Variants in LSAMP observed in about 807,000 individuals in gnomAD.
LSAMP encodes the protein limbic system-associated membrane protein.
LSAMP carries 7 observed loss-of-function variants against 38.6 expected under a neutral mutation model. The observed-to-expected ratio is 0.18, with a 90% CI of 0.10 to 0.34. The LOEUF (loss-of-function observed/expected upper bound fraction) is 0.34. LSAMP is among the 10% of genes least tolerant of loss of function. The pLI is 1.00. For synonymous variants in LSAMP, 154 were observed against 166.8 expected (o/e 0.92, Z 0.59); for missense variants, 313 against 420.0 (o/e 0.75, Z 2.23).
intron 1 of LSAMP, among the ~76,000 whole-genome samples, chr3:116,316,158 GA>G (rs1354328371): frequency 6.6e-6 from 1 of 152,182 alleles, no homozygotes. Flanking sequence ...TCAGGGCCTT[GA>G]CGATAAGTTG....
At chr3:116,057,967 A>ACCCACC (rs1553699986) in intron 2 of LSAMP, among the ~76,000 whole-genome samples, 1 of 147,542 alleles carries the variant, frequency 6.8e-6, no homozygotes, top group African/African-American at 2.5e-5. Flanking sequence ...CCACACACAC[A>ACCCACC]CACACACACA....
chr3:116,270,102 G>GTTA (rs950054995), intron 1 of LSAMP, among the ~76,000 whole-genome samples: 31 of 152,078 alleles, frequency 2.0e-4, no homozygotes, highest in African/African-American at 7.2e-4. Context: ...AAAATAAAAT[G>GTTA]TTATTTTCTT....
chr3:116,248,477 A>ATATGTG (rs2046631426), intron 1 of LSAMP, among the ~76,000 whole-genome samples: 1 of 140,978 alleles, frequency 7.1e-6, no homozygotes. Flanking sequence ...CCTGTCTCTA[A>ATATGTG]TGTGTGTGTG....
At chr3:115,815,695 A>G (rs1366067642) in intron 6 of LSAMP, among the ~76,000 whole-genome samples, 1 of 152,266 alleles carries the variant, frequency 6.6e-6, no homozygotes, top group African/African-American at 2.4e-5. Flanking sequence ...TGTATCACAT[A>G]TAACACTAGC....
intron 3 of LSAMP, among the ~76,000 whole-genome samples, chr3:115,867,962 A>G (rs1004565075): frequency 6.6e-6 from 1 of 152,176 alleles, no homozygotes; most frequent in Non-Finnish European, 1.5e-5. Flanking sequence ...TCCTGACAAT[A>G]CAGTGATAAG....
intron 2 of LSAMP, among the ~76,000 whole-genome samples, chr3:116,084,033 A>T (rs1707931789): frequency 6.6e-6 from 1 of 152,184 alleles, no homozygotes; most frequent in South Asian, 2.1e-4. Flanking sequence ...AACAAATACA[A>T]TAGTATCCTG....
At chr3:115,834,988 G>C (rs541145815) in intron 6 of LSAMP, among the ~76,000 whole-genome samples, 30 of 152,054 alleles carry the variant, frequency 2.0e-4, no homozygotes, top group Non-Finnish European at 3.1e-4. Flanking sequence ...TTTAGCTCAT[G>C]ATAGATGAAC....
intron 3 of LSAMP, among the ~76,000 whole-genome samples, chr3:115,934,305 A>G (rs943689247): frequency 7.2e-5 from 11 of 151,734 alleles, no homozygotes; most frequent in African/African-American, 2.4e-4. Context: ...CCGCCTCCCA[A>G]TAGGTTGGAT....
intron 3 of LSAMP, among the ~76,000 whole-genome samples, chr3:115,920,866 G>C (rs1937365909): frequency 6.6e-6 from 1 of 150,548 alleles, no homozygotes; most frequent in Non-Finnish European, 1.5e-5. Flanking sequence ...CATATTTTTG[G>C]GTTCTCTGAT....
intron 3 of LSAMP, among the ~76,000 whole-genome samples, chr3:115,948,000 C>A (rs57682854): frequency 6.6e-6 from 1 of 152,132 alleles, no homozygotes; most frequent in Non-Finnish European, 1.5e-5. Flanking sequence ...ATAGGTGAAA[C>A]CTTTGATTGA....
Position 116,092,623 on chromosome 3 carries a change from C to T in LSAMP, c.156-6067G>A, listed in dbSNP as rs141504454. 1.0e-2 allele frequency among the ~76,000 whole-genome samples: 1,518 copies of T among 152,280 alleles called. 21 individuals carry two copies. Among genetic ancestry groups the T allele is most frequent in the African/African-American group, 0.033 (1,366 of 41,564 alleles). On this transcript the variant is annotated intron_variant, in intron 1 of 6. Coordinates refer to ENST00000490035, the MANE Select transcript of LSAMP (RefSeq NM_002338.5). ...GTCACAAAAAATCAATGCACCCATA[C>T]AAATCTTAAGCATTGAATTTCTTCA...
At chr3:115,844,691 T>C (rs891206439) in intron 4 of LSAMP, among the ~76,000 whole-genome samples, 2 of 152,136 alleles carry the variant, frequency 1.3e-5, no homozygotes, top group African/African-American at 4.8e-5. Context: ...CTATAAAATG[T>C]TGGGGCTGGG....
chr3:115,909,298 G>C (rs1182749686), intron 3 of LSAMP, among the ~76,000 whole-genome samples: 1 of 152,198 alleles, frequency 6.6e-6, no homozygotes, highest in African/African-American at 2.4e-5. Flanking sequence ...ATCTCTGCTA[G>C]TTCTCCATCT....
intron 1 of LSAMP, among the ~76,000 whole-genome samples, chr3:116,263,403 C>T (rs113071343): frequency 0.19 from 29,206 of 151,534 alleles, 2,984 homozygotes; most frequent in Admixed American, 0.23. Flanking sequence ...CCGGGCATGG[C>T]GGTGCATGCC....
At chr3:116,024,943 T>A in intron 2 of LSAMP, among the ~76,000 whole-genome samples, 1 of 151,950 alleles carries the variant, frequency 6.6e-6, no homozygotes, top group East Asian at 1.9e-4. Context: ...AACTTTACTC[T>A]TCCTCTAGAT....
At chr3:116,170,107 AT>A (rs1224103624) in intron 1 of LSAMP, among the ~76,000 whole-genome samples, 5 of 150,876 alleles carry the variant, frequency 3.3e-5, no homozygotes, top group Admixed American at 1.3e-4. Flanking sequence ...AGATGCCAAC[AT>A]TTTTTTAAGT....
At chr3:115,944,636 A>G (rs756484450) in intron 3 of LSAMP, among the ~76,000 whole-genome samples, 1 of 152,198 alleles carries the variant, frequency 6.6e-6, no homozygotes, top group African/African-American at 2.4e-5. Flanking sequence ...AATATTTTAT[A>G]AATTATCTTA....
At chr3:116,243,084 T>C (rs1037587076) in intron 1 of LSAMP, among the ~76,000 whole-genome samples, 2 of 152,156 alleles carry the variant, frequency 1.3e-5, no homozygotes, top group African/African-American at 2.4e-5. Context: ...GGAAGCTACT[T>C]CTACTCTCTA....
intron 3 of LSAMP, among the ~76,000 whole-genome samples, chr3:115,948,181 A>G (rs1402592819): frequency 1.3e-5 from 2 of 152,194 alleles, no homozygotes; most frequent in Non-Finnish European, 2.9e-5. Flanking sequence ...CATCCTCATA[A>G]GTAACAAATC....
Sources: allele counts gnomAD v4.1 joint callset (sites outside exome capture counted in the v4.1 genomes callset), GRCh38; gene constraint gnomAD v4.1.1; transcripts MANE v1.5; gene names NCBI Gene and HGNC (gene_info 2026-07-23, HGNC 2026-07-21).